The following MFAP1 variants were observed in gnomAD, a reference collection of about 807,000 sequenced individuals.
The protein encoded by MFAP1 is microfibril associated protein 1, also known as microfibrillar-associated protein 1.
MFAP1 carries 18 observed loss-of-function variants against 62.2 expected under a neutral mutation model. The ratio of observed to expected loss-of-function variants is 0.29; its 90% CI spans 0.20 to 0.43. The LOEUF is 0.43. Ranked by LOEUF, MFAP1 falls within the 20% of genes least tolerant of loss-of-function variation. MFAP1 has a pLI of 1.00. For synonymous variants in MFAP1, 175 were observed against 180.4 expected, an observed-to-expected ratio of 0.97 and a Z score of 0.24; for missense variants, 355 against 559.7, an observed-to-expected ratio of 0.63 and a Z score of 3.69.
At chr15:43,813,790 G>A (rs1004209471) in intron 4 of MFAP1, among the ~76,000 whole-genome samples, 1 of 151,570 alleles carries the variant, frequency 6.6e-6, no homozygotes. Context: ...GATTACAGTC[G>A]TGAGCCACCG....
chr15:43,809,903 T>A lies in MFAP1; in HGVS notation c.899A>T (p.Glu300Val). 6 of 1,614,196 alleles carry A rather than the reference T, an allele frequency of 3.7e-6. No homozygotes were observed. Among genetic ancestry groups the A allele is most frequent in the Non-Finnish European group, 5.1e-6 (6 of 1,180,030 alleles). The change falls in exon 7 of 9, where the codon GAG becomes GTG. Residue 300 changes from glutamate to valine, a missense_variant. This residue lies in a region of MFAP1 where 257 missense variants were observed against 341.3 expected (regional missense o/e 0.75). Transcript: ENST00000267812. ...DREDREALEK[E>V]KAEIERMRNL... ...TCGCATGCGTTCAATTTCTGCTTTC[T>A]CCTTCTCAAGCCTGTCCAGGGAGCA... is the stretch of plus-strand genomic sequence containing the variant.
intron 1 of MFAP1, among the ~76,000 whole-genome samples, chr15:43,819,407 G>A (rs1199431569): frequency 6.6e-6 from 1 of 152,114 alleles, no homozygotes; most frequent in Non-Finnish European, 1.5e-5. Context: ...CTCCCAAAGT[G>A]CTAGGATTAC....
chr15:43,823,722 G>A (rs1203831594), intron 1 of MFAP1, among the ~76,000 whole-genome samples: 1 of 152,094 alleles, frequency 6.6e-6, no homozygotes, highest in Non-Finnish European at 1.5e-5. Flanking sequence ...CTCTCAGTAG[G>A]GAATAAAGTG....
At chr15:43,811,343 G>C (rs753285111) in intron 6 of MFAP1, among the ~76,000 whole-genome samples, 34 of 149,766 alleles carry the variant, frequency 2.3e-4, no homozygotes, top group Middle Eastern at 3.2e-3. Context: ...TGACTCCCAG[G>C]GGGTGGAGGT....
chr15:43,815,221 C>T (rs1367904472), intron 2 of MFAP1, 147 bp from the exon 3 acceptor site: 1 of 1,031,298 alleles, frequency 9.7e-7, no homozygotes, highest in Non-Finnish European at 1.4e-6. Context: ...GCTCTGTCGC[C>T]CAGGCTGCAG....
In MFAP1 at chr15:43,820,520, T is replaced by G. The variant is rs112299700; in HGVS notation, c.80-3072A>C. On this transcript the variant is annotated intron_variant, in intron 1 of 8. Coordinates refer to ENST00000267812, the MANE Select transcript of MFAP1 (RefSeq NM_005926.3). Reference sequence around the variant, plus strand: ...ACAAGATAACAAATAGATAAAAGAGTTCAGAAAAAATGCTAGATAAAAAAC... The same window carrying G: ...ACAAGATAACAAATAGATAAAAGAGGTCAGAAAAAATGCTAGATAAAAAAC... Among the ~76,000 whole-genome samples the G allele has an allele frequency of 5.0e-3, 766 of 152,274 alleles. 8 individuals are homozygous for G. The highest frequency in any genetic ancestry group is 0.018 in the African/African-American group (732 of 41,562).
chr15:43,810,298 A>G (rs2087390779), intron 6 of MFAP1, among the ~76,000 whole-genome samples: 1 of 151,360 alleles, frequency 6.6e-6, no homozygotes. Context: ...GTGTATCATA[A>G]TCATATAGGT....
rs148624587 is a variant in MFAP1 at position 43,823,735 on chromosome 15, G to T, written c.79+756C>A. 4.9e-3 allele frequency among the ~76,000 whole-genome samples: 746 copies of T among 152,244 alleles called. 7 individuals are homozygous for T. Among genetic ancestry groups the T allele is most frequent in the African/African-American group, 0.017 (711 of 41,526 alleles). ...GCCTCTCAGTAGGGAATAAAGTGTG[G>T]ATTACAGTTTATTTTATACAATGGA... is the stretch of plus-strand genomic sequence containing the variant. On this transcript the variant is annotated intron_variant, in intron 1 of 8. Coordinates refer to ENST00000267812, the MANE Select transcript of MFAP1 (RefSeq NM_005926.3).
At chr15:43,813,408 T>G (rs2087415326) in intron 4 of MFAP1, 51 bp from the exon 5 acceptor site, 1 of 1,541,642 alleles carries the variant, frequency 6.5e-7, no homozygotes. Flanking sequence ...AGTGGAGTGC[T>G]TTGTTCCCCT....
At chr15:43,811,449 C>T (rs1198517226) in intron 6 of MFAP1, among the ~76,000 whole-genome samples, 2 of 148,272 alleles carry the variant, frequency 1.3e-5, no homozygotes, top group Admixed American at 6.7e-5. Context: ...CAAAAAATTA[C>T]AGGCTGAGTA....
chr15:43,817,521 A>G lies in MFAP1; in HGVS notation c.80-73T>C. Reference sequence around the variant, plus strand: ...GCTTCAACCCATCACGGCCTTTGCAAATAGAGCCCTTTATTCATAGTAGAC... The same window carrying G: ...GCTTCAACCCATCACGGCCTTTGCAGATAGAGCCCTTTATTCATAGTAGAC... On this transcript the variant is annotated intron_variant, in intron 1 of 8. Coordinates refer to ENST00000267812, the MANE Select transcript of MFAP1 (RefSeq NM_005926.3). The G allele has an allele frequency of 2.8e-6, 4 of 1,446,176 alleles. No individual in the cohort carries two copies. The South Asian group carries it at 4.7e-5, about 17-fold the overall frequency. The allele number at this position is 1,446,176 out of a possible 1,614,324, so 89.6% of individuals were successfully genotyped here.
chr15:43,817,316 G>A lies in MFAP1; in HGVS notation c.212C>T (p.Ala71Val). ...ATCCTCCTCCTGTTCCTCAGGCTCT[G>A]CTTCTTGTTCTTTGGCTTTCTTAAT... ...QFIKKAKEQE[A>V]EPEEQEEDSS... Residue 71 changes from alanine to valine, a missense_variant, in exon 2 of 9, where the codon GCA becomes GTA. By Grantham distance (64) the Ala-to-Val change is moderately conservative. This residue lies in a region of MFAP1 where 257 missense variants were observed against 341.3 expected (regional missense o/e 0.75). Coordinates refer to ENST00000267812, the MANE Select transcript of MFAP1 (RefSeq NM_005926.3). 6.2e-7 allele frequency: 1 copy of A among 1,614,142 alleles called. No individual in the cohort carries two copies. The highest frequency in any genetic ancestry group is 8.5e-7 in the Non-Finnish European group (1 of 1,180,038).
At chr15:43,820,101 A>G (rs1334874919) in intron 1 of MFAP1, among the ~76,000 whole-genome samples, 2 of 152,038 alleles carry the variant, frequency 1.3e-5, no homozygotes, top group Non-Finnish European at 2.9e-5. Context: ...TGAGCGAGAT[A>G]GCACCACTGC....
chr15:43,805,352 T>C, intron 8 of MFAP1, 24 bp downstream of exon 8: 1 of 1,606,522 alleles, frequency 6.2e-7, no homozygotes, highest in Non-Finnish European at 8.5e-7. Context: ...CTTTTCTCTG[T>C]CATGTTATTA....
intron 1 of MFAP1, among the ~76,000 whole-genome samples, chr15:43,824,113 T>C (rs1363472632): frequency 6.6e-6 from 1 of 151,472 alleles, no homozygotes; most frequent in Non-Finnish European, 1.5e-5. Context: ...TGTAATTATA[T>C]GTAATTAGTG....
chr15:43,812,445 C>G (rs1023671533), intron 6 of MFAP1, among the ~76,000 whole-genome samples: 5 of 152,086 alleles, frequency 3.3e-5, no homozygotes, highest in African/African-American at 1.2e-4. Context: ...GAATGGTGCC[C>G]TGAGACTGCT....
At chr15:43,807,053 A>G (rs914502469) in intron 7 of MFAP1, among the ~76,000 whole-genome samples, 2 of 151,794 alleles carry the variant, frequency 1.3e-5, no homozygotes, top group African/African-American at 4.8e-5. Flanking sequence ...CGAATGTCAA[A>G]AAGTCTATAC....
chr15:43,817,290 AATC>A lies in MFAP1; in HGVS notation c.235_237del (p.Asp79del). Reference sequence around the variant, plus strand: ...CGCCGTAGCCGGGGGTCACTGGATGAATCCTCCTCCTGTTCCTCAGGCTCTGCT... The same window carrying A: ...CGCCGTAGCCGGGGGTCACTGGATGACTCCTCCTGTTCCTCAGGCTCTGCT... On this transcript the variant is annotated inframe_deletion, in exon 2 of 9. Transcript: ENST00000267812. 1 of 1,614,112 alleles carries A rather than the reference AATC, an allele frequency of 6.2e-7. No individual in the cohort carries two copies. Among genetic ancestry groups the A allele is most frequent in the Non-Finnish European group, 8.5e-7 (1 of 1,180,022 alleles).
intron 7 of MFAP1, among the ~76,000 whole-genome samples, 178 bp from the exon 8 acceptor site, chr15:43,805,643 C>T (rs570339112): frequency 1.6e-4 from 25 of 151,638 alleles, no homozygotes; most frequent in Admixed American, 4.6e-4. Flanking sequence ...GACGGACTCT[C>T]GCTCTGTTGC....
Sources: allele counts gnomAD v4.1 joint callset (sites outside exome capture counted in the v4.1 genomes callset), GRCh38; gene constraint gnomAD v4.1.1; regional missense constraint gnomAD v4.1.1; transcripts MANE v1.5; gene names NCBI Gene and HGNC (gene_info 2026-07-23, HGNC 2026-07-21).